FAAH2: variants seen among roughly 807,000 people sequenced by gnomAD.
FAAH2 encodes fatty acid amide hydrolase 2, also known as fatty-acid amide hydrolase 2.
Under a neutral mutation model 36.9 loss-of-function variants are expected in FAAH2, and 60 were observed. That is an observed-to-expected ratio of 1.63 (90% CI 1.32 to 2.02). The LOEUF (loss-of-function observed/expected upper bound fraction) is 2.02. Among genes scored for constraint, FAAH2 ranks in the 30% most tolerant of loss-of-function variants. FAAH2 has a pLI of 0.00. For missense variants in FAAH2, 689 were observed against 397.5 expected (o/e 1.73, Z -6.23); for synonymous variants, 214 against 143.8 (o/e 1.49, Z -3.49).
At chrX:57,168,217 T>C in the FAAH2 span, among the ~76,000 whole-genome samples, 1 of 111,271 alleles carries the variant, frequency 9.0e-6, no homozygotes, top group Non-Finnish European at 1.9e-5. Flanking sequence ...TCATCTTGTA[T>C]ATTCTATGCC....
the FAAH2 span, among the ~76,000 whole-genome samples, chrX:57,184,595 C>A: frequency 8.9e-6 from 1 of 112,545 alleles, no homozygotes; most frequent in South Asian, 3.6e-4. Context: ...ATTTGACAAC[C>A]TAAATGAAGT....
chrX:57,432,009 T>C lies in FAAH2; in HGVS notation c.1088T>C (p.Met363Thr), dbSNP rs377460431. Reference sequence around the variant, plus strand: ...TACTCTTTTCAGTTGTGGATCGCAATGATGTCAGCAAAGGGACATGATGGG... The same window carrying C: ...TACTCTTTTCAGTTGTGGATCGCAACGATGTCAGCAAAGGGACATGATGGG... ...MKYSFQLWIA[M>T]MSAKGHDGKE... Residue 363 changes from methionine (M) to threonine (T), a missense_variant, in exon 8 of 11, where the codon ATG becomes ACG. Transcript: ENST00000374900. The C allele has an allele frequency of 5.2e-5, 62 of 1,203,749 alleles. No homozygotes were observed. Among genetic ancestry groups the C allele is most frequent in the East Asian group, 2.7e-4 (9 of 33,624 alleles).
chrX:57,164,720 G>A, the FAAH2 span, among the ~76,000 whole-genome samples: 1 of 112,536 alleles, frequency 8.9e-6, no homozygotes, highest in Non-Finnish European at 1.9e-5. Context: ...GAGCAAATAT[G>A]CATTTTGCAG....
At chrX:57,342,307 G>A (rs1015461137) in intron 5 of FAAH2, among the ~76,000 whole-genome samples, 1 of 111,394 alleles carries the variant, frequency 9.0e-6, no homozygotes, top group African/African-American at 3.3e-5. Flanking sequence ...TCATAAGTGG[G>A]AGCTAAATGT....
At chrX:57,240,314 TG>T in the FAAH2 span, among the ~76,000 whole-genome samples, 1 of 111,697 alleles carries the variant, frequency 9.0e-6, no homozygotes, top group Non-Finnish European at 1.9e-5. Context: ...TCTGCACTAC[TG>T]GGCTGTGTAA....
At chrX:57,224,370 C>G in the FAAH2 span, among the ~76,000 whole-genome samples, 1 of 111,727 alleles carries the variant, frequency 9.0e-6, no homozygotes, top group Non-Finnish European at 1.9e-5. Flanking sequence ...GTCCACGTCA[C>G]CCCCTATGTC....
the FAAH2 span, among the ~76,000 whole-genome samples, chrX:57,175,572 T>C: frequency 8.9e-6 from 1 of 111,855 alleles, no homozygotes; most frequent in South Asian, 3.7e-4. Flanking sequence ...ACATTCAATG[T>C]TAATATTGAG....
At chrX:57,231,680 C>T in the FAAH2 span, among the ~76,000 whole-genome samples, 8 of 111,633 alleles carry the variant, frequency 7.2e-5, no homozygotes, top group East Asian at 2.0e-3. Context: ...AATAATTTGC[C>T]TTAGATAACA....
At chrX:57,138,013 A>G in the FAAH2 span, among the ~76,000 whole-genome samples, 1 of 111,814 alleles carries the variant, frequency 8.9e-6, no homozygotes, top group South Asian at 3.7e-4. Context: ...AATTCTCTGT[A>G]TATGCATACA....
intron 10 of FAAH2, among the ~76,000 whole-genome samples, chrX:57,466,156 CTATATA>C (rs1163626331): frequency 9.0e-5 from 6 of 66,417 alleles, no homozygotes; most frequent in African/African-American, 3.5e-4. Flanking sequence ...CTCTCTCTCT[CTATATA>C]TATATATATA....
intron 7 of FAAH2, chrX:57,392,537 G>T: frequency 9.0e-6 from 7 of 777,917 alleles, no homozygotes; most frequent in Admixed American, 2.6e-5. Context: ...GATCTTCTGG[G>T]CAGGGGCTGA....
chrX:57,212,296 T>A, the FAAH2 span, among the ~76,000 whole-genome samples: 1 of 112,079 alleles, frequency 8.9e-6, no homozygotes, highest in Non-Finnish European at 1.9e-5. Context: ...ATGATACTGA[T>A]AACAATCTTA....
At chrX:57,387,663 C>T (rs1017242434) in intron 7 of FAAH2, among the ~76,000 whole-genome samples, 1 of 111,363 alleles carries the variant, frequency 9.0e-6, no homozygotes, top group African/African-American at 3.3e-5. Context: ...CCTATATAAT[C>T]CCTGTCACTG....
At chrX:57,135,554 TCACAGCCGAAATTGA>T in the FAAH2 span, 1 of 464,266 alleles carries the variant, frequency 2.2e-6, no homozygotes, top group East Asian at 4.4e-5. Flanking sequence ...TGAACTTTAT[TCACAGCCGAAATTGA>T]CAGCTGTTCG....
At chrX:57,302,579 G>T (rs1394645102) in intron 2 of FAAH2, among the ~76,000 whole-genome samples, 1 of 110,894 alleles carries the variant, frequency 9.0e-6, no homozygotes, top group Non-Finnish European at 1.9e-5. Flanking sequence ...ACTGATCCAA[G>T]ACTGGAGAGG....
At chrX:57,201,242 G>A in the FAAH2 span, among the ~76,000 whole-genome samples, 1 of 109,731 alleles carries the variant, frequency 9.1e-6, no homozygotes, top group South Asian at 3.9e-4. Context: ...CCAAGATGGT[G>A]AAACCCCGTC....
the FAAH2 span, among the ~76,000 whole-genome samples, chrX:57,166,174 A>G: frequency 1.8e-5 from 2 of 109,439 alleles, no homozygotes; most frequent in Non-Finnish European, 3.8e-5. Context: ...GAGAAACACC[A>G]CCTTCCCACT....
upstream of FAAH2, among the ~76,000 whole-genome samples, chrX:57,284,933 G>T (rs192843716): frequency 8.9e-6 from 1 of 112,024 alleles, no homozygotes; most frequent in Non-Finnish European, 1.9e-5. Flanking sequence ...TCTGGTCAGA[G>T]CCCAATCAGT....
intron 2 of FAAH2, among the ~76,000 whole-genome samples, chrX:57,305,485 G>A (rs775855133): frequency 9.0e-6 from 1 of 111,070 alleles, no homozygotes; most frequent in African/African-American, 3.3e-5. Flanking sequence ...TGTCACTTTA[G>A]TCCCAATCAC....
Sources: allele counts gnomAD v4.1 joint callset (sites outside exome capture counted in the v4.1 genomes callset), GRCh38; gene constraint gnomAD v4.1.1; transcripts MANE v1.5; gene names NCBI Gene and HGNC (gene_info 2026-07-23, HGNC 2026-07-21).